PRKACB: variants seen among roughly 807,000 people sequenced by gnomAD.
PRKACB encodes the protein protein kinase cAMP-activated catalytic subunit beta, also known as cAMP-dependent protein kinase catalytic subunit beta.
PRKACB carries 16 observed loss-of-function variants against 51.4 expected under a neutral mutation model. The observed-to-expected ratio is 0.31, with a 90% confidence interval of 0.21 to 0.47. The LOEUF is 0.47. Ranked by LOEUF, PRKACB falls within the 20% of genes least tolerant of loss-of-function variation. PRKACB has a pLI of 1.00. For missense variants in PRKACB, 309 were observed against 464.5 expected, an observed-to-expected ratio of 0.67 and a Z score of 3.08; for synonymous variants, 147 against 154.4, an observed-to-expected ratio of 0.95 and a Z score of 0.35.
chr1:84,116,595 A>G (rs1650653857), intron 1 of PRKACB, among the ~76,000 whole-genome samples: 1 of 152,010 alleles, frequency 6.6e-6, no homozygotes, highest in Non-Finnish European at 1.5e-5. Context: ...TTTAAATATG[A>G]TTGGCTTTAT....
intron 1 of PRKACB, among the ~76,000 whole-genome samples, chr1:84,130,954 G>A (rs1305061703): frequency 6.6e-6 from 1 of 152,154 alleles, no homozygotes; most frequent in Non-Finnish European, 1.5e-5. Flanking sequence ...AATATTGTCT[G>A]TTGGGGTTTC....
At chr1:84,127,018 A>G (rs2100538259) in intron 1 of PRKACB, among the ~76,000 whole-genome samples, 1 of 152,252 alleles carries the variant, frequency 6.6e-6, no homozygotes, top group Middle Eastern at 3.4e-3. Flanking sequence ...TCTTCCTAGT[A>G]GTCATACTCT....
intron 9 of PRKACB, among the ~76,000 whole-genome samples, chr1:84,234,736 G>A (rs539853004): frequency 2.2e-4 from 34 of 152,104 alleles, no homozygotes; most frequent in South Asian, 6.2e-4. Flanking sequence ...GACCCCTTGC[G>A]CTTCCTGAGT....
At chr1:84,224,516 A>G (rs934798067) in intron 9 of PRKACB, among the ~76,000 whole-genome samples, 7 of 152,204 alleles carry the variant, frequency 4.6e-5, no homozygotes, top group Non-Finnish European at 1.0e-4. Flanking sequence ...AAGCGCCAGC[A>G]GTGGTAGTGG....
chr1:84,086,038 G>T (rs1407342754), intron 1 of PRKACB: 2 of 889,386 alleles, frequency 2.2e-6, no homozygotes, highest in Non-Finnish European at 3.8e-6. Flanking sequence ...GGTTAGAGAA[G>T]ATGGTGGTCA....
chr1:84,216,001 T>C (rs1052526079), intron 9 of PRKACB, among the ~76,000 whole-genome samples: 2 of 152,146 alleles, frequency 1.3e-5, no homozygotes, highest in African/African-American at 4.8e-5. Context: ...AATTAAGTAT[T>C]AAAAGCACAG....
intron 1 of PRKACB, among the ~76,000 whole-genome samples, chr1:84,146,662 A>G (rs1654133566): frequency 6.6e-6 from 1 of 151,986 alleles, no homozygotes. Flanking sequence ...AAGTGTTTTT[A>G]TAATGAAATA....
At position 84,112,479 on chromosome 1, in the gene PRKACB, C is replaced by T. The variant is rs139122193; in HGVS notation, c.46+34108C>T. Among the ~76,000 whole-genome samples, 743 of 152,134 alleles carry T rather than the reference C, an allele frequency of 4.9e-3. 36 individuals are homozygous for T. In the East Asian group the frequency reaches 0.12, roughly 25 times the overall value. ...CTCGAACTCCTGACCACAAGTGATC[C>T]ACCTGCCTCGGCCTCCCAAAGTGCT... is the stretch of plus-strand genomic sequence containing the variant. On this transcript the variant is annotated intron_variant, in intron 1 of 8. Coordinates refer to the PRKACB transcript ENST00000370688.
At chr1:84,141,037 A>T (rs1653355956), upstream of PRKACB, among the ~76,000 whole-genome samples, 2 of 152,140 alleles carry the variant, frequency 1.3e-5, no homozygotes, top group Non-Finnish European at 1.5e-5. Flanking sequence ...CATCACTATT[A>T]TTAAATAAAA....
At position 84,217,173 on chromosome 1, in the gene PRKACB, A is replaced by G. The variant is rs563223913; in HGVS notation, c.1071+2856A>G. On this transcript the variant is annotated intron_variant, in intron 9 of 9. Coordinates refer to ENST00000370685, the MANE Select transcript of PRKACB (RefSeq NM_182948.4). ...ATACAAAAGGAAGAGCAGTTTGGTG[A>G]GAAAGATTAGATGGATTGGCCCAGG... Among the ~76,000 whole-genome samples the G allele has an allele frequency of 3.3e-5, 5 of 152,320 alleles. No homozygotes were observed. In the East Asian group the frequency reaches 9.6e-4, roughly 29 times the overall value.
chr1:84,086,301 C>A, intron 1 of PRKACB: 1 of 1,016,138 alleles, frequency 9.8e-7, no homozygotes, highest in Non-Finnish European at 1.5e-6. Flanking sequence ...CTTCCTGCTG[C>A]CTCCCTCCTG....
At chr1:84,235,092 A>G in intron 9 of PRKACB, 88 bp from the exon 10 acceptor site, 1 of 1,391,224 alleles carries the variant, frequency 7.2e-7, no homozygotes, top group Non-Finnish European at 9.8e-7. Flanking sequence ...CCGTGTAATA[A>G]CAGTGGGAAT....
intron 1 of PRKACB, among the ~76,000 whole-genome samples, chr1:84,123,580 T>A (rs1260677981): frequency 6.6e-6 from 1 of 152,160 alleles, no homozygotes; most frequent in African/African-American, 2.4e-5. Context: ...GGAAATGTAA[T>A]TCATTTAAAA....
At chr1:84,150,449 A>G (rs965919498) in intron 1 of PRKACB, among the ~76,000 whole-genome samples, 6 of 152,102 alleles carry the variant, frequency 3.9e-5, no homozygotes, top group Non-Finnish European at 8.8e-5. Context: ...GTCCCCTCCA[A>G]ATCTCATGTT....
intron 9 of PRKACB, among the ~76,000 whole-genome samples, chr1:84,226,901 T>C (rs1374183647): frequency 3.9e-5 from 6 of 152,180 alleles, no homozygotes; most frequent in Admixed American, 3.9e-4. Context: ...AGGTATTCTT[T>C]ATGAGGTTAA....
At chr1:84,106,569 T>A (rs573118014) in intron 1 of PRKACB, among the ~76,000 whole-genome samples, 1 of 152,014 alleles carries the variant, frequency 6.6e-6, no homozygotes, top group South Asian at 2.1e-4. Context: ...AGCTCTACAA[T>A]GAAAATTACA....
At chr1:84,204,476 C>T (rs760115530) in intron 8 of PRKACB, 1 of 1,582,842 alleles carries the variant, frequency 6.3e-7, no homozygotes, top group East Asian at 2.2e-5. Flanking sequence ...TGTTTTCTCC[C>T]AGCAGAACTT....
chr1:84,195,902 G>C (rs1476637552), intron 5 of PRKACB, among the ~76,000 whole-genome samples: 5 of 97,808 alleles, frequency 5.1e-5, no homozygotes, highest in African/African-American at 7.5e-5. Flanking sequence ...AACAGAGCAA[G>C]ACTGTGTCTC....
Position 84,177,755 on chromosome 1 carries a change from G to T in PRKACB, c.188-1422G>T, listed in dbSNP as rs1661820326. On this transcript the variant is annotated intron_variant, in intron 1 of 9. Coordinates refer to ENST00000370685, the MANE Select transcript of PRKACB (RefSeq NM_182948.4). Reference sequence around the variant, plus strand: ...AGACCCAGTCTTAAAAAAAGTAATAGAAAGAAAAGAGAAAATGTAAGAATT... The same window carrying T: ...AGACCCAGTCTTAAAAAAAGTAATATAAAGAAAAGAGAAAATGTAAGAATT... 2.6e-5 allele frequency among the ~76,000 whole-genome samples: 4 copies of T among 151,740 alleles called. No homozygotes were observed. In the South Asian group the frequency reaches 8.3e-4, roughly 32 times the overall value.
Sources: allele counts gnomAD v4.1 joint callset (sites outside exome capture counted in the v4.1 genomes callset), GRCh38; gene constraint gnomAD v4.1.1; transcripts MANE v1.5; gene names NCBI Gene and HGNC (gene_info 2026-07-23, HGNC 2026-07-21).